CDC14A: variants seen among roughly 807,000 people sequenced by gnomAD.
CDC14A encodes the protein cell division cycle 14A, also known as dual specificity protein phosphatase CDC14A.
Under a neutral mutation model 74.4 loss-of-function variants are expected in CDC14A, and 53 were observed. The ratio of observed to expected loss-of-function variants is 0.71; its 90% CI spans 0.57 to 0.89. CDC14A has a LOEUF of 0.89. Ranked by LOEUF, CDC14A falls within the 40% of genes least tolerant of loss-of-function variation. CDC14A has a pLI of 0.00. For synonymous variants in CDC14A, 247 were observed against 258.4 expected (o/e 0.96, Z 0.43); for missense variants, 646 against 713.7 (o/e 0.91, Z 1.08).
chr1:100,477,149 A>G (rs1184419933), intron 10 of CDC14A, among the ~76,000 whole-genome samples: 1 of 152,190 alleles, frequency 6.6e-6, no homozygotes, highest in Non-Finnish European at 1.5e-5. Flanking sequence ...AGCTCAGTGA[A>G]ACTGATTTCA....
In CDC14A at chr1:100,498,912, TTG is replaced by T. The variant is rs1648303851; in HGVS notation, c.1422-13_1422-12del. The T allele has an allele frequency of 6.2e-7, 1 of 1,601,730 alleles. No individual in the cohort carries two copies. The highest frequency in any genetic ancestry group is 8.5e-7 in the Non-Finnish European group (1 of 1,173,066). ...TGTTGTCTGTTTTTTCCCTCCTCAC[TTG>T]TGTTTTCCATTCAGCTTTTCCATAA... On this transcript the variant is annotated splice_polypyrimidine_tract_variant and intron_variant, in intron 14 of 15. Transcript: ENST00000336454.
At chr1:100,450,178 A>G (rs537032121) in intron 7 of CDC14A, among the ~76,000 whole-genome samples, 1 of 152,320 alleles carries the variant, frequency 6.6e-6, no homozygotes, top group Non-Finnish European at 1.5e-5. Context: ...CAGATTGACC[A>G]GGTGGTGTAG....
At chr1:100,485,364 T>TA in intron 11 of CDC14A, 1 of 928,588 alleles carries the variant, frequency 1.1e-6, no homozygotes, top group Non-Finnish European at 1.3e-6. Flanking sequence ...TTTATATCTC[T>TA]AAAGGAGAAA....
intron 9 of CDC14A, among the ~76,000 whole-genome samples, chr1:100,466,713 A>G (rs11166457): frequency 0.02 from 2,989 of 152,186 alleles, 122 homozygotes; most frequent in African/African-American, 0.07. Context: ...TCTACTAAAA[A>G]TACAAAATTA....
chr1:100,501,261 C>T (rs949081719), intron 15 of CDC14A, among the ~76,000 whole-genome samples: 1 of 152,088 alleles, frequency 6.6e-6, no homozygotes, highest in Admixed American at 6.6e-5. Context: ...TTTCACATAC[C>T]GATTGTGGAT....
At chr1:100,382,065 G>A (rs1656182136) in intron 3 of CDC14A, among the ~76,000 whole-genome samples, 2 of 151,876 alleles carry the variant, frequency 1.3e-5, no homozygotes, top group African/African-American at 4.8e-5. Flanking sequence ...CTTCTGGGAG[G>A]ATTCATGGCT....
chr1:100,405,911 G>A (rs974850355), intron 4 of CDC14A, among the ~76,000 whole-genome samples: 14 of 152,144 alleles, frequency 9.2e-5, no homozygotes, highest in Non-Finnish European at 1.9e-4. Context: ...GGGATTCTGG[G>A]TCAAACGGTA....
intron 8 of CDC14A, among the ~76,000 whole-genome samples, chr1:100,461,973 GTA>G (rs892928219): frequency 6.6e-6 from 1 of 152,110 alleles, no homozygotes; most frequent in Non-Finnish European, 1.5e-5. Context: ...TGACTTTAAA[GTA>G]TATAATACAT....
At chr1:100,422,870 A>G (rs1662527237) in intron 4 of CDC14A, among the ~76,000 whole-genome samples, 1 of 152,198 alleles carries the variant, frequency 6.6e-6, no homozygotes, top group African/African-American at 2.4e-5. Context: ...AACATGTAAT[A>G]TATTCCTAGT....
chr1:100,355,592 A>G (rs1651767571), intron 2 of CDC14A, among the ~76,000 whole-genome samples: 1 of 152,126 alleles, frequency 6.6e-6, no homozygotes, highest in Non-Finnish European at 1.5e-5. Context: ...CATCCAATTT[A>G]TATTGTGAGT....
At chr1:100,515,631 C>T (rs143547498) in intron 15 of CDC14A, among the ~76,000 whole-genome samples, 2,493 of 152,032 alleles carry the variant, frequency 0.016, 62 homozygotes, top group African/African-American at 0.057. Flanking sequence ...ATGATCCACC[C>T]GCCTCGGCCT....
At chr1:100,419,314 C>T (rs1223262641) in intron 4 of CDC14A, among the ~76,000 whole-genome samples, 1 of 152,206 alleles carries the variant, frequency 6.6e-6, no homozygotes, top group Non-Finnish European at 1.5e-5. Flanking sequence ...GATTCTGGGT[C>T]TGGCTGACTG....
chr1:100,515,366 C>G (rs1442451156), intron 15 of CDC14A, among the ~76,000 whole-genome samples: 1 of 151,536 alleles, frequency 6.6e-6, no homozygotes, highest in Non-Finnish European at 1.5e-5. Flanking sequence ...CTCTTCTCCC[C>G]TTAGTGCATT....
intron 15 of CDC14A, among the ~76,000 whole-genome samples, chr1:100,509,336 G>A (rs1304738873): frequency 1.3e-5 from 2 of 152,154 alleles, no homozygotes; most frequent in Non-Finnish European, 2.9e-5. Context: ...CTTTTGTGTT[G>A]AGAGTCACCT....
At chr1:100,505,725 T>C (rs1404061555) in intron 15 of CDC14A, among the ~76,000 whole-genome samples, 1 of 152,240 alleles carries the variant, frequency 6.6e-6, no homozygotes, top group Non-Finnish European at 1.5e-5. Flanking sequence ...CATCTTGTCC[T>C]GATTTTAAAT....
rs75644484 is a variant in CDC14A at position 100,504,338 on chromosome 1, C to A, written c.1755+5076C>A. 4.4e-3 allele frequency among the ~76,000 whole-genome samples: 675 copies of A among 152,144 alleles called. 5 individuals are homozygous for A. Among genetic ancestry groups the A allele is most frequent in the African/African-American group, 0.016 (651 of 41,488 alleles). The stretch of plus-strand genomic sequence containing the variant: ...GTGCCATTGTCTCTTGGAATTTTTC[C>A]TTTCTTCTCCATTCAGTTGCTTCCT... On this transcript the variant is annotated intron_variant, in intron 15 of 15. Coordinates refer to ENST00000336454, the MANE Select transcript of CDC14A (RefSeq NM_003672.4).
intron 4 of CDC14A, among the ~76,000 whole-genome samples, chr1:100,395,836 T>A (rs1658389210): frequency 6.6e-6 from 1 of 152,200 alleles, no homozygotes; most frequent in Admixed American, 6.5e-5. Context: ...CTAACTGAAA[T>A]TCCATGCTTG....
chr1:100,486,335 G>A (rs111536486), intron 11 of CDC14A, among the ~76,000 whole-genome samples: 1 of 152,258 alleles, frequency 6.6e-6, no homozygotes, highest in Admixed American at 6.5e-5. Flanking sequence ...TAACATTTAT[G>A]TATCACTGTG....
chr1:100,364,850 A>AC lies in CDC14A; in HGVS notation c.140+11001dup, dbSNP rs1653349331. On this transcript the variant is annotated intron_variant, in intron 2 of 15. Coordinates refer to ENST00000336454, the MANE Select transcript of CDC14A (RefSeq NM_003672.4). Reference sequence around the variant, plus strand: ...CTAACGAGGGATGTTAGAATTACAGACCCTGATACTGGAAGGTTTCTTGAT... The same window carrying AC: ...CTAACGAGGGATGTTAGAATTACAGACCCCTGATACTGGAAGGTTTCTTGAT... Among the ~76,000 whole-genome samples the AC allele has an allele frequency of 2.0e-5, 3 of 152,286 alleles. No individual in the cohort carries two copies. The East Asian group carries it at 5.8e-4, about 29-fold the overall frequency.
Sources: gnomAD v4.1 joint callset for allele counts (sites outside exome capture counted in the v4.1 genomes callset) on GRCh38, gnomAD v4.1.1 for gene constraint, MANE v1.5 for transcripts, NCBI Gene and HGNC (gene_info 2026-07-23, HGNC 2026-07-21) for gene names.